The following HSD17B12 variants were observed in gnomAD, a reference collection of about 807,000 sequenced individuals.
HSD17B12 encodes the protein hydroxysteroid 17-beta dehydrogenase 12.
HSD17B12 carries 32 observed loss-of-function variants against 39.3 expected under a neutral mutation model. The observed-to-expected ratio is 0.81, with a 90% confidence interval of 0.61 to 1.09. The LOEUF (loss-of-function observed/expected upper bound fraction) is 1.09, where lower values mean the gene tolerates loss of function less well. Among genes scored for constraint, HSD17B12 ranks in the 50% least tolerant of loss-of-function variants. HSD17B12 has a pLI of 0.00. For synonymous variants in HSD17B12, 150 were observed against 146.7 expected (o/e 1.02, Z -0.16); for missense variants, 342 against 382.9 (o/e 0.89, Z 0.89).
chr11:43,582,190 A>G, the HSD17B12 span, among the ~76,000 whole-genome samples: 1 of 152,204 alleles, frequency 6.6e-6, no homozygotes, highest in Non-Finnish European at 1.5e-5. Context: ...GGGGTAAAAC[A>G]GGCGAGAACT....
At chr11:43,712,634 G>A (rs1409959867) in intron 1 of HSD17B12, among the ~76,000 whole-genome samples, 1 of 152,020 alleles carries the variant, frequency 6.6e-6, no homozygotes, top group African/African-American at 2.4e-5. Context: ...ATTGATTGGT[G>A]TATATATCTT....
chr11:43,696,038 C>T (rs1272368964), intron 1 of HSD17B12, among the ~76,000 whole-genome samples: 1 of 152,122 alleles, frequency 6.6e-6, no homozygotes, highest in African/African-American at 2.4e-5. Context: ...TTGTTTCCCT[C>T]TATGTGTCCA....
chr11:43,819,642 T>G (rs928027750), intron 6 of HSD17B12, among the ~76,000 whole-genome samples: 1 of 152,224 alleles, frequency 6.6e-6, no homozygotes, highest in African/African-American at 2.4e-5. Context: ...TCTTCTTCAT[T>G]CTTCATTGAC....
At chr11:43,637,953 T>C in the HSD17B12 span, among the ~76,000 whole-genome samples, 1 of 152,170 alleles carries the variant, frequency 6.6e-6, no homozygotes, top group Non-Finnish European at 1.5e-5. Context: ...CTCTGTGCAC[T>C]TGAAGGCTCT....
chr11:43,649,953 C>A, the HSD17B12 span, among the ~76,000 whole-genome samples: 1 of 152,160 alleles, frequency 6.6e-6, no homozygotes, highest in Admixed American at 6.5e-5. Context: ...AAGGAAGAGG[C>A]CAAAGAACAC....
At chr11:43,733,809 C>G in intron 1 of HSD17B12, 1 of 715,438 alleles carries the variant, frequency 1.4e-6, no homozygotes, top group Admixed American at 1.8e-5. Flanking sequence ...TGGTCTTAGC[C>G]GTTGCAGGAG....
At chr11:43,773,042 T>C (rs1878765) in intron 3 of HSD17B12, among the ~76,000 whole-genome samples, 99,596 of 151,846 alleles carry the variant, frequency 0.66, 32,988 homozygotes, top group East Asian at 0.75. Context: ...ACGTGAGAGG[T>C]GGAGGTTACA....
intron 1 of HSD17B12, among the ~76,000 whole-genome samples, chr11:43,702,290 T>C (rs1949972069): frequency 6.6e-6 from 1 of 152,226 alleles, no homozygotes; most frequent in African/African-American, 2.4e-5. Context: ...ATAATTTGAC[T>C]TCTTCCTTTC....
the HSD17B12 span, among the ~76,000 whole-genome samples, chr11:43,658,285 G>A: frequency 6.6e-6 from 1 of 152,014 alleles, no homozygotes; most frequent in African/African-American, 2.4e-5. Context: ...TTCTAGTTAT[G>A]CATTCGTCTA....
intron 1 of HSD17B12, among the ~76,000 whole-genome samples, chr11:43,739,416 AATG>A (rs1950344967): frequency 6.6e-6 from 1 of 152,166 alleles, no homozygotes; most frequent in Non-Finnish European, 1.5e-5. Context: ...AAAGAACAGA[AATG>A]TATTTTCTCA....
chr11:43,715,861 G>T (rs987067644), intron 1 of HSD17B12, among the ~76,000 whole-genome samples: 13 of 152,008 alleles, frequency 8.6e-5, no homozygotes, highest in Non-Finnish European at 5.9e-5. Flanking sequence ...GTATCTAGTG[G>T]CTACCCTGTT....
intron 4 of HSD17B12, among the ~76,000 whole-genome samples, chr11:43,812,188 G>A (rs1448444944): frequency 6.6e-6 from 1 of 152,188 alleles, no homozygotes; most frequent in Non-Finnish European, 1.5e-5. Flanking sequence ...ACACGGGGGT[G>A]CAGGTATCTA....
At chr11:43,635,721 A>G in the HSD17B12 span, among the ~76,000 whole-genome samples, 1 of 152,236 alleles carries the variant, frequency 6.6e-6, no homozygotes, top group Admixed American at 6.5e-5. Context: ...CAAGTTTTGA[A>G]AACATAAACT....
chr11:43,639,098 AT>A, the HSD17B12 span, among the ~76,000 whole-genome samples: 1 of 152,162 alleles, frequency 6.6e-6, no homozygotes. Context: ...CTTGTGTTTT[AT>A]TTTTTATAAA....
At chr11:43,777,838 G>A (rs967424285) in intron 3 of HSD17B12, among the ~76,000 whole-genome samples, 3 of 152,184 alleles carry the variant, frequency 2.0e-5, no homozygotes, top group Non-Finnish European at 4.4e-5. Flanking sequence ...AAAGCACTGT[G>A]TAGAGGGAAA....
chr11:43,716,783 T>C (rs1950127638), intron 1 of HSD17B12, among the ~76,000 whole-genome samples: 1 of 149,468 alleles, frequency 6.7e-6, no homozygotes, highest in African/African-American at 2.4e-5. Context: ...TAGGATGCAG[T>C]GGAAGAAGAA....
the HSD17B12 span, among the ~76,000 whole-genome samples, chr11:43,562,607 AC>A: frequency 6.6e-6 from 1 of 152,222 alleles, no homozygotes; most frequent in Admixed American, 6.5e-5. Flanking sequence ...CAGAAAAATG[AC>A]TTGGGAACAT....
At chr11:43,622,222 G>A in the HSD17B12 span, among the ~76,000 whole-genome samples, 261 of 152,298 alleles carry the variant, frequency 1.7e-3, 4 homozygotes, top group South Asian at 0.024. Context: ...AGAGCTGAAG[G>A]AATTGCATCA....
chr11:43,696,097 T>A (rs1949909317), intron 1 of HSD17B12, among the ~76,000 whole-genome samples: 1 of 152,206 alleles, frequency 6.6e-6, no homozygotes, highest in South Asian at 2.1e-4. Flanking sequence ...GAACATGTGG[T>A]ATTTGGTTTT....
Sources: allele counts gnomAD v4.1 joint callset (sites outside exome capture counted in the v4.1 genomes callset), GRCh38; gene constraint gnomAD v4.1.1; transcripts MANE v1.5; gene names NCBI Gene and HGNC (gene_info 2026-07-23, HGNC 2026-07-21).